CDH13: variants seen among roughly 807,000 people sequenced by gnomAD.
CDH13 encodes cadherin 13.
CDH13 carries 24 observed loss-of-function variants against 63.8 expected under a neutral mutation model. That is an observed-to-expected ratio of 0.38 (90% CI 0.27 to 0.53). The LOEUF (loss-of-function observed/expected upper bound fraction) is 0.53. Ranked by LOEUF, CDH13 falls within the 20% of genes least tolerant of loss-of-function variation. The pLI is 0.85. For missense variants in CDH13, 1,049 were observed against 903.1 expected, an observed-to-expected ratio of 1.16 and a Z score of -2.07; for synonymous variants, 503 against 355.3, an observed-to-expected ratio of 1.42 and a Z score of -4.67.
intron 2 of CDH13, among the ~76,000 whole-genome samples, chr16:82,973,740 G>A (rs1490789302): frequency 1.3e-5 from 2 of 152,176 alleles, no homozygotes; most frequent in Non-Finnish European, 1.5e-5. Context: ...TCTATCCCAT[G>A]ACATTTCCTT....
At chr16:83,310,589 G>A (rs755536836) in intron 5 of CDH13, among the ~76,000 whole-genome samples, 11 of 152,130 alleles carry the variant, frequency 7.2e-5, no homozygotes, top group African/African-American at 2.4e-4. Context: ...TCCTTCACAC[G>A]TACCTGGCCA....
At chr16:83,179,305 C>G (rs1396260227) in intron 4 of CDH13, among the ~76,000 whole-genome samples, 2 of 151,994 alleles carry the variant, frequency 1.3e-5, no homozygotes, top group Admixed American at 6.5e-5. Flanking sequence ...CCTTAAATCT[C>G]TCAACCCTAT....
At chr16:83,161,124 G>C (rs1041968444) in intron 4 of CDH13, among the ~76,000 whole-genome samples, 2 of 152,124 alleles carry the variant, frequency 1.3e-5, no homozygotes, top group African/African-American at 2.4e-5. Context: ...TTGAATTTTT[G>C]ATATCATTTG....
In CDH13 at chr16:82,961,238, A is replaced by C. The variant is rs1906938972; in HGVS notation, c.158-70772A>C. ...CTTCCCACCACAAGTCAATGAGGAG[A>C]TGGGGTAGCCAGGCCTAAAACCCCG... On this transcript the variant is annotated intron_variant, in intron 2 of 13. Transcript: ENST00000567109. Among the ~76,000 whole-genome samples, 3 of 152,164 alleles carry C rather than the reference A, an allele frequency of 2.0e-5. No individual in the cohort carries two copies. The South Asian group carries it at 6.2e-4, about 32-fold the overall frequency.
At chr16:82,932,201 G>A (rs1286189163) in intron 2 of CDH13, among the ~76,000 whole-genome samples, 1 of 152,052 alleles carries the variant, frequency 6.6e-6, no homozygotes, top group African/African-American at 2.4e-5. Context: ...AAAGATTGTT[G>A]CTATATTTTT....
intron 3 of CDH13, among the ~76,000 whole-genome samples, chr16:83,113,076 G>T: frequency 6.6e-6 from 1 of 152,232 alleles, no homozygotes; most frequent in East Asian, 1.9e-4. Context: ...TGATGCTATC[G>T]AAGGAAAAAG....
intron 6 of CDH13, among the ~76,000 whole-genome samples, chr16:83,452,380 G>A (rs1007200521): frequency 9.0e-5 from 13 of 143,846 alleles, no homozygotes; most frequent in Non-Finnish European, 1.7e-4. Context: ...ATTACTTGGT[G>A]CCAAGTTCTA....
rs1174442394 is a variant in CDH13 at position 83,171,379 on chromosome 16, C to T, written c.483+45878C>T. ...CCCCCATGATCCAGTCACCTGCCACCAGGCCCCACCTCCAACATGGGGGAT... is the reference window on the plus strand; with the variant it reads ...CCCCCATGATCCAGTCACCTGCCACTAGGCCCCACCTCCAACATGGGGGAT... On this transcript the variant is annotated intron_variant, in intron 4 of 13. Coordinates refer to ENST00000567109, the MANE Select transcript of CDH13 (RefSeq NM_001257.5). 7 of 698,628 alleles carry T rather than the reference C, an allele frequency of 1.0e-5. No homozygotes were observed. The East Asian group carries it at 1.6e-4, about 16-fold the overall frequency. The allele number at this position is 698,628 out of a possible 1,614,324, so 43.3% of individuals were successfully genotyped here.
intron 1 of CDH13, among the ~76,000 whole-genome samples, chr16:82,679,820 G>A (rs1015000142): frequency 3.9e-5 from 6 of 152,170 alleles, no homozygotes; most frequent in African/African-American, 1.4e-4. Flanking sequence ...TCAAAAATGG[G>A]TTTGGATCTG....
intron 5 of CDH13, among the ~76,000 whole-genome samples, chr16:83,336,621 C>G (rs542172597): frequency 6.6e-6 from 1 of 152,252 alleles, no homozygotes; most frequent in East Asian, 1.9e-4. Flanking sequence ...ATCCATTGAT[C>G]GAATGTTGAA....
chr16:83,689,042 A>T (rs989331112), intron 10 of CDH13, among the ~76,000 whole-genome samples: 2 of 152,140 alleles, frequency 1.3e-5, no homozygotes, highest in Admixed American at 6.5e-5. Flanking sequence ...GGGTAAATGG[A>T]TGAAAGGCTA....
rs4782529 is a variant in CDH13 at position 83,298,084 on chromosome 16, G to T, written c.637-46778G>T. On this transcript the variant is annotated intron_variant, in intron 5 of 13. Coordinates refer to ENST00000567109, the MANE Select transcript of CDH13 (RefSeq NM_001257.5). ...AAAAAGAAAAAGAAAAAGAAAAAAA[G>T]AAAAAAAAATTAGCCAGGTGCAGGG... 5.4e-5 allele frequency among the ~76,000 whole-genome samples: 8 copies of T among 148,242 alleles called. No individual in the cohort carries two copies. The South Asian group carries it at 1.7e-3, about 32-fold the overall frequency.
At chr16:83,133,091 T>A (rs1374585950) in intron 4 of CDH13, among the ~76,000 whole-genome samples, 1 of 152,208 alleles carries the variant, frequency 6.6e-6, no homozygotes, top group Non-Finnish European at 1.5e-5. Context: ...CCACATGTGG[T>A]CAATGCAGTT....
At chr16:83,540,225 C>T (rs1265930338) in intron 7 of CDH13, among the ~76,000 whole-genome samples, 2 of 151,950 alleles carry the variant, frequency 1.3e-5, no homozygotes, top group Non-Finnish European at 1.5e-5. Context: ...GATTGAGGGT[C>T]GTGATCAACT....
chr16:82,742,036 C>T (rs750450157), intron 1 of CDH13, among the ~76,000 whole-genome samples: 12 of 152,146 alleles, frequency 7.9e-5, no homozygotes, highest in African/African-American at 2.9e-4. Flanking sequence ...AAATTTCTTA[C>T]AATATCAGCC....
At chr16:83,107,307 G>A (rs748199603) in intron 3 of CDH13, among the ~76,000 whole-genome samples, 13 of 124,638 alleles carry the variant, frequency 1.0e-4, no homozygotes, top group South Asian at 2.4e-4. Context: ...AAAAGAGTTC[G>A]TTGGGGTTGG....
intron 7 of CDH13, among the ~76,000 whole-genome samples, chr16:83,564,323 T>C (rs1486503945): frequency 6.6e-6 from 1 of 151,552 alleles, no homozygotes; most frequent in Non-Finnish European, 1.5e-5. Flanking sequence ...CAATAAGGCA[T>C]TAACATAAAC....
At chr16:83,376,177 C>G (rs1326928619) in intron 6 of CDH13, among the ~76,000 whole-genome samples, 3 of 152,146 alleles carry the variant, frequency 2.0e-5, no homozygotes, top group East Asian at 3.9e-4. Context: ...GAAGCTGCCC[C>G]TCGCCCTTCA....
chr16:83,271,623 G>T (rs753160662), intron 5 of CDH13, among the ~76,000 whole-genome samples: 5 of 151,720 alleles, frequency 3.3e-5, no homozygotes, highest in African/African-American at 7.3e-5. Flanking sequence ...ACAACCGCTG[G>T]TTTCTCAATT....
Sources: allele counts gnomAD v4.1 joint callset (sites outside exome capture counted in the v4.1 genomes callset), GRCh38; gene constraint gnomAD v4.1.1; transcripts MANE v1.5; gene names NCBI Gene and HGNC (gene_info 2026-07-23, HGNC 2026-07-21).